Variants in COL18A1 observed in about 807,000 individuals in gnomAD.
The protein encoded by COL18A1 is collagen type XVIII alpha 1 chain.
A neutral mutation model predicts 168.0 loss-of-function variants in COL18A1; 133 were observed. The ratio of observed to expected loss-of-function variants is 0.79; its 90% CI spans 0.69 to 0.91. The LOEUF (loss-of-function observed/expected upper bound fraction) is 0.91, where lower values mean the gene tolerates loss of function less well. Ranked by LOEUF, COL18A1 falls within the 40% of genes least tolerant of loss-of-function variation. The pLI, the probability that COL18A1 is intolerant of heterozygous loss-of-function variation, is 0.00. For synonymous variants in COL18A1, 949 were observed against 809.0 expected (o/e 1.17, Z -2.94); for missense variants, 2,126 against 1,925.4 (o/e 1.10, Z -1.95).
At chr21:45,421,479 C>T (rs1420377216) in intron 2 of COL18A1, 2 of 534,480 alleles carry the variant, frequency 3.7e-6, no homozygotes, top group African/African-American at 3.8e-5. Flanking sequence ...CGGAGCAGGA[C>T]ACCGCGTTTC....
At chr21:45,508,401 TAG>T (rs1239178479) in intron 38 of COL18A1, among the ~76,000 whole-genome samples, 3 of 139,406 alleles carry the variant, frequency 2.2e-5, no homozygotes, top group Non-Finnish European at 4.6e-5. Context: ...GGATGGTGGA[TAG>T]GTAGATGAGT....
intron 11 of COL18A1, 33 bp downstream of exon 11, chr21:45,480,189 G>A (rs1183026058): frequency 2.3e-6 from 3 of 1,313,346 alleles, no homozygotes; most frequent in Middle Eastern, 2.0e-4. Context: ...TGCGACCCGG[G>A]GTCTGCCCTC....
At chr21:45,507,343 G>C (rs925238647) in intron 37 of COL18A1, 19 of 626,576 alleles carry the variant, frequency 3.0e-5, no homozygotes, top group African/African-American at 1.3e-4. Flanking sequence ...CGGGTGCTGG[G>C]CAGGGAGGGC....
chr21:45,487,921 T>C (rs1321546807), intron 17 of COL18A1, among the ~76,000 whole-genome samples: 6 of 152,236 alleles, frequency 3.9e-5, no homozygotes, highest in Admixed American at 3.3e-4. Flanking sequence ...TTAACATGTA[T>C]ACTGCTCAGG....
Position 45,498,895 on chromosome 21 carries a change from G to A in COL18A1, c.2683+1234G>A, listed in dbSNP as rs2036639986. Among the ~76,000 whole-genome samples the A allele has an allele frequency of 6.6e-6, 1 of 152,220 alleles. No homozygotes were observed. Among genetic ancestry groups the A allele is most frequent in the Admixed American group, 6.5e-5 (1 of 15,284 alleles). On this transcript the variant is annotated intron_variant, in intron 32 of 41. Coordinates refer to ENST00000651438, the MANE Select transcript of COL18A1 (RefSeq NM_001379500.1). This position sits in a 1 kb window ranked among gnomAD's most constrained non-coding sequence, Gnocchi z 4.5. ...GCTCAGAGGTGTCAGGATGAACCTG[G>A]GGCTGAAGGCGGAACAGTTGGAGAT...
chr21:45,496,130 T>A, intron 29 of COL18A1: 1 of 362,206 alleles, frequency 2.8e-6, no homozygotes, highest in Non-Finnish European at 5.3e-6. Flanking sequence ...CCCTCCATGC[T>A]GGGGGTTCTC....
At chr21:45,437,275 CAG>C (rs1172662858) in intron 2 of COL18A1, among the ~76,000 whole-genome samples, 1 of 135,914 alleles carries the variant, frequency 7.4e-6, no homozygotes, top group Non-Finnish European at 1.5e-5. Context: ...CTCAGACACA[CAG>C]GCACTCTCCT....
intron 23 of COL18A1, 32 bp from the exon 24 acceptor site, chr21:45,492,655 G>A: frequency 6.2e-7 from 1 of 1,611,394 alleles, no homozygotes; most frequent in Non-Finnish European, 8.5e-7. Context: ...GGTGCGTGAT[G>A]ACCCCAGCTG....
Position 45,480,158 on chromosome 21 carries a change from T to C in COL18A1, c.1398+2T>C. On this transcript the variant is annotated splice_donor_variant, in intron 11 of 41. Coordinates refer to ENST00000651438, the MANE Select transcript of COL18A1 (RefSeq NM_001379500.1). LOFTEE classifies it high-confidence loss of function. ...CCCTCCTTCAGACACGACAAGCTGG[T>C]AAGTCCCGCCCTTGGCTTCCTGCGA... The C allele has an allele frequency of 6.5e-7, 1 of 1,547,452 alleles. No individual in the cohort carries two copies. The highest frequency in any genetic ancestry group is 8.9e-7 in the Non-Finnish European group (1 of 1,122,242).
intron 17 of COL18A1, 44 bp downstream of exon 17, chr21:45,487,553 G>T: frequency 1.2e-6 from 2 of 1,607,868 alleles, no homozygotes; most frequent in Non-Finnish European, 1.7e-6. Context: ...GGGGTAAGGG[G>T]GTGTTGCCTG....
chr21:45,482,098 G>T (rs2035919239), intron 14 of COL18A1, 73 bp downstream of exon 14: 6 of 1,199,532 alleles, frequency 5.0e-6, no homozygotes, highest in African/African-American at 3.0e-5. Flanking sequence ...GGGGGTGCCT[G>T]GTGACGCCCG....
At chr21:45,437,951 CAG>C (rs2034227837) in intron 2 of COL18A1, among the ~76,000 whole-genome samples, 1 of 86,612 alleles carries the variant, frequency 1.2e-5, no homozygotes, top group Non-Finnish European at 2.1e-5. Context: ...CTCAGACACA[CAG>C]GCACTCTCCT....
chr21:45,480,360 C>A, intron 11 of COL18A1, 107 bp from the exon 12 acceptor site: 1 of 1,599,868 alleles, frequency 6.3e-7, no homozygotes, highest in Non-Finnish European at 8.5e-7. Flanking sequence ...GGTTTCTCAG[C>A]TCCTTGTAGA....
chr21:45,505,459 C>T (rs1365994765), intron 36 of COL18A1, 28 bp downstream of exon 36: 4 of 1,271,794 alleles, frequency 3.1e-6, no homozygotes, highest in East Asian at 2.4e-5. Flanking sequence ...CGGCTGGGCA[C>T]CTGCGTCCCG....
intron 29 of COL18A1, 174 bp downstream of exon 29, chr21:45,495,606 A>ACACG (rs1483537171): frequency 1.1e-5 from 6 of 545,380 alleles, no homozygotes; most frequent in Non-Finnish European, 1.6e-5. Context: ...ATGTCCACAC[A>ACACG]CGCACACGTG....
chr21:45,456,906 C>A, intron 2 of COL18A1: 1 of 1,407,488 alleles, frequency 7.1e-7, no homozygotes, highest in Non-Finnish European at 9.3e-7. Context: ...CCGATCTCCC[C>A]ACCCTTTCCT....
At chr21:45,507,053 A>C in intron 37 of COL18A1, 1 of 320,074 alleles carries the variant, frequency 3.1e-6, no homozygotes, top group Non-Finnish European at 6.2e-6. Context: ...CATCCTAGCA[A>C]ACGCGTGCTG....
rs548211842 is a variant in COL18A1 at position 45,494,232 on chromosome 21, T to A, written c.2353-313T>A. 3.5e-4 allele frequency: 169 copies of A among 489,430 alleles called. 2 individuals carry two copies. The highest frequency in any genetic ancestry group is 5.9e-4 in the Non-Finnish European group (160 of 271,558). 30.3% of individuals were successfully genotyped at this position (489,430 alleles called of 1,614,324 possible). ...CTGGGGCCTGTGGCAACCAGGACAC[T>A]GCGTGGCACATGCCCTCCACCCTCC... is the stretch of plus-strand genomic sequence containing the variant. On this transcript the variant is annotated intron_variant, in intron 26 of 41. Transcript: ENST00000651438.
intron 36 of COL18A1, 53 bp from the exon 37 acceptor site, chr21:45,505,785 C>CA: frequency 2.2e-6 from 3 of 1,341,196 alleles, no homozygotes; most frequent in Non-Finnish European, 3.1e-6. Flanking sequence ...CCTTCCGCCC[C>CA]TGCCCCCCGC....
Sources: allele counts gnomAD v4.1 joint callset (sites outside exome capture counted in the v4.1 genomes callset), GRCh38; gene constraint gnomAD v4.1.1; non-coding constraint Gnocchi (gnomAD v3.1); transcripts MANE v1.5; gene names NCBI Gene and HGNC (gene_info 2026-07-23, HGNC 2026-07-21).